Variants in SLC12A9 observed in about 807,000 individuals in gnomAD.
The protein encoded by SLC12A9 is solute carrier family 12 member 9, also known as CCC-interacting protein 1.
Under a neutral mutation model 66.0 loss-of-function variants are expected in SLC12A9, and 55 were observed. That is an observed-to-expected ratio of 0.83 (90% CI 0.67 to 1.04). The LOEUF (loss-of-function observed/expected upper bound fraction) is 1.04, where lower values mean the gene tolerates loss of function less well. Among genes scored for constraint, SLC12A9 ranks in the 50% least tolerant of loss-of-function variants. The pLI is 0.00. For missense variants in SLC12A9, 1,061 were observed against 1,241.9 expected (o/e 0.85, Z 2.19); for synonymous variants, 577 against 569.0 (o/e 1.01, Z -0.20).
intron 5 of SLC12A9, 32 bp downstream of exon 5, chr7:100,857,208 G>A (rs909548955): frequency 3.1e-6 from 5 of 1,588,310 alleles, no homozygotes; most frequent in East Asian, 2.2e-5. Flanking sequence ...CAGGGATCTC[G>A]GGGTGAGGGG....
chr7:100,844,073 G>A (rs186793892), intron 1 of SLC12A9, among the ~76,000 whole-genome samples: 2 of 152,278 alleles, frequency 1.3e-5, no homozygotes, highest in African/African-American at 2.4e-5. Flanking sequence ...AAAACTCATC[G>A]CAGGACTCAT....
chr7:100,826,930 G>A (rs772080434), exon 1 of SLC12A9: 7 of 1,535,726 alleles, frequency 4.6e-6, no homozygotes, highest in Admixed American at 2.0e-5. Flanking sequence ...ATGTTGGGGG[G>A]GAGGTCCCAG....
At chr7:100,864,657 A>T (rs1280729234) in intron 13 of SLC12A9, among the ~76,000 whole-genome samples, 1 of 152,162 alleles carries the variant, frequency 6.6e-6, no homozygotes, top group East Asian at 1.9e-4. Context: ...GTGGCCTCTC[A>T]CGCTGGATGG....
Position 100,866,689 on chromosome 7 carries a change from T to TC in SLC12A9, c.*84_*85insC. 7.3e-7 allele frequency: 1 copy of TC among 1,362,252 alleles called. No individual in the cohort carries two copies. The highest frequency in any genetic ancestry group is 1.6e-5 in the South Asian group (1 of 64,196). The allele number at this position is 1,362,252 out of a possible 1,614,324, so 84.4% of individuals were successfully genotyped here. ...TGGAGGAGGAGGAAGAGGAGGCCAC[T>TC]GTGGCCCGTGGCCCTGCCCTTGGGA... On this transcript the variant is annotated 3_prime_UTR_variant, in exon 14 of 14. Coordinates refer to ENST00000354161, the MANE Select transcript of SLC12A9 (RefSeq NM_020246.4). This position sits in a 1 kb window ranked among gnomAD's most constrained non-coding sequence, Gnocchi z 7.3.
chr7:100,865,446 G>T, intron 13 of SLC12A9: 1 of 1,535,970 alleles, frequency 6.5e-7, no homozygotes, highest in Non-Finnish European at 8.7e-7. Flanking sequence ...GAATTGGAGT[G>T]CTCATTAGTG....
intron 4 of SLC12A9, 26 bp downstream of exon 4, chr7:100,855,863 G>A (rs775509419): frequency 4.5e-6 from 7 of 1,572,644 alleles, no homozygotes; most frequent in Middle Eastern, 1.7e-4. Flanking sequence ...GATCTGGGCA[G>A]TGCTGCGGGT....
chr7:100,865,161 T>C, intron 13 of SLC12A9: 1 of 1,117,272 alleles, frequency 9.0e-7, no homozygotes, highest in South Asian at 1.3e-5. Context: ...TTTCACCGTA[T>C]TGGCCAGGCT....
intron 1 of SLC12A9, among the ~76,000 whole-genome samples, chr7:100,830,814 C>T (rs1320246046): frequency 1.3e-5 from 2 of 152,024 alleles, no homozygotes; most frequent in Non-Finnish European, 1.5e-5. Context: ...GTGGAGATGG[C>T]ATCTGAGATT....
intron 9 of SLC12A9, chr7:100,860,878 G>A (rs1814705389): frequency 1.7e-6 from 1 of 592,086 alleles, no homozygotes; most frequent in Non-Finnish European, 3.1e-6. Context: ...TGACACTGGG[G>A]ATACACTGGC....
intron 1 of SLC12A9, among the ~76,000 whole-genome samples, chr7:100,844,355 T>C (rs1447187425): frequency 6.6e-6 from 1 of 152,124 alleles, no homozygotes; most frequent in African/African-American, 2.4e-5. Context: ...TAAAATAAGA[T>C]TAAGAATGAA....
chr7:100,840,677 G>C (rs935130837), intron 1 of SLC12A9, among the ~76,000 whole-genome samples: 1 of 151,358 alleles, frequency 6.6e-6, no homozygotes, highest in African/African-American at 2.4e-5. Context: ...AATGCAGAGA[G>C]AGAGAAGAGA....
At chr7:100,833,806 A>G (rs1191659320) in intron 1 of SLC12A9, among the ~76,000 whole-genome samples, 2 of 150,960 alleles carry the variant, frequency 1.3e-5, no homozygotes, top group Non-Finnish European at 3.0e-5. Context: ...GGTGGTGGGC[A>G]CCTGTAGTCC....
upstream of SLC12A9, among the ~76,000 whole-genome samples, chr7:100,852,206 C>G (rs1189796553): frequency 6.6e-6 from 1 of 152,238 alleles, no homozygotes; most frequent in Non-Finnish European, 1.5e-5. Context: ...CAATGGCTCC[C>G]TCCGGTGGCG....
At chr7:100,826,926 G>T in exon 1 of SLC12A9, 4 of 1,535,692 alleles carry the variant, frequency 2.6e-6, no homozygotes, top group South Asian at 1.2e-5. Flanking sequence ...CCAGATGTTG[G>T]GGGGGAGGTC....
At chr7:100,846,273 A>C (rs1349396800) in intron 1 of SLC12A9, among the ~76,000 whole-genome samples, 1 of 152,236 alleles carries the variant, frequency 6.6e-6, no homozygotes, top group African/African-American at 2.4e-5. Flanking sequence ...AATGATAAAA[A>C]GCTTCATTGC....
rs537879277 is a variant in SLC12A9, at chr7:100,833,010, A to G, written n.228+5963A>G. On this transcript the variant is annotated intron_variant and non_coding_transcript_variant, in intron 1 of 1. Coordinates refer to the SLC12A9 transcript ENST00000461016. The stretch of plus-strand genomic sequence containing the variant: ...AGGCTGGTCTTGAACTCTTGAGCTC[A>G]AGTGATTGTCTAGCCTCAGCCTCCC... 2.0e-5 allele frequency among the ~76,000 whole-genome samples: 3 copies of G among 152,228 alleles called. No individual in the cohort carries two copies. In the East Asian group the frequency reaches 5.8e-4, roughly 29 times the overall value.
At chr7:100,828,924 G>C (rs1401307556) in intron 1 of SLC12A9, among the ~76,000 whole-genome samples, 1 of 152,144 alleles carries the variant, frequency 6.6e-6, no homozygotes, top group Non-Finnish European at 1.5e-5. Flanking sequence ...TGCTGCTCCA[G>C]GAGTCAGCCC....
chr7:100,846,482 G>A (rs1414114887), intron 1 of SLC12A9, among the ~76,000 whole-genome samples: 1 of 151,958 alleles, frequency 6.6e-6, no homozygotes, highest in African/African-American at 2.4e-5. Flanking sequence ...CAGGAGAATG[G>A]CATGAACCCA....
chr7:100,846,472 C>CA (rs1190973880), intron 1 of SLC12A9, among the ~76,000 whole-genome samples: 1 of 151,610 alleles, frequency 6.6e-6, no homozygotes, highest in Admixed American at 6.6e-5. Context: ...GAGGCTGAGG[C>CA]AGGAGAATGG....
Sources: gnomAD v4.1 joint callset for allele counts (sites outside exome capture counted in the v4.1 genomes callset) on GRCh38, gnomAD v4.1.1 for gene constraint, Gnocchi (gnomAD v3.1) non-coding constraint, MANE v1.5 for transcripts, NCBI Gene and HGNC (gene_info 2026-07-23, HGNC 2026-07-21) for gene names.